RGS7: variants seen among roughly 807,000 people sequenced by gnomAD.
The protein encoded by RGS7 is regulator of G protein signaling 7, also known as regulator of G-protein signaling 7.
RGS7 carries 27 observed loss-of-function variants against 81.1 expected under a neutral mutation model. The observed-to-expected ratio is 0.33, with a 90% CI of 0.25 to 0.46. RGS7 has a LOEUF of 0.46. Ranked by LOEUF, RGS7 falls within the 20% of genes least tolerant of loss-of-function variation. The pLI, the probability that RGS7 is intolerant of heterozygous loss-of-function variation, is 1.00. For synonymous variants in RGS7, 208 were observed against 207.7 expected (o/e 1.00, Z -0.01); for missense variants, 396 against 607.4 (o/e 0.65, Z 3.66).
chr1:241,308,773 A>G (rs559103830), intron 2 of RGS7, among the ~76,000 whole-genome samples: 78 of 152,296 alleles, frequency 5.1e-4, no homozygotes, highest in African/African-American at 1.4e-3. Context: ...TATACACAGA[A>G]AAGACACTTG....
At chr1:240,860,559 A>G (rs533252129) in intron 9 of RGS7, among the ~76,000 whole-genome samples, 1 of 152,240 alleles carries the variant, frequency 6.6e-6, no homozygotes, top group East Asian at 1.9e-4. Context: ...ATTTAACTTC[A>G]TATTTTAATG....
intron 2 of RGS7, among the ~76,000 whole-genome samples, chr1:241,307,225 C>T (rs940690426): frequency 9.9e-5 from 15 of 152,060 alleles, no homozygotes; most frequent in South Asian, 4.2e-4. Context: ...TATGAGTGGG[C>T]CCTGAAAATG....
intron 2 of RGS7, among the ~76,000 whole-genome samples, chr1:241,272,087 G>A (rs1287938288): frequency 1.3e-5 from 2 of 151,710 alleles, no homozygotes; most frequent in East Asian, 1.9e-4. Context: ...TCCGCCTCCC[G>A]GGTTCACGCC....
chr1:241,333,668 G>T (rs1018746513), intron 2 of RGS7, among the ~76,000 whole-genome samples: 1 of 152,118 alleles, frequency 6.6e-6, no homozygotes, highest in African/African-American at 2.4e-5. Context: ...GTCATGGTTT[G>T]ACTGAAATCT....
chr1:241,012,829 A>G (rs2059024595), intron 3 of RGS7, among the ~76,000 whole-genome samples: 1 of 152,160 alleles, frequency 6.6e-6, no homozygotes, highest in South Asian at 2.1e-4. Context: ...TGGGACTTTT[A>G]AAGGTCTAGC....
chr1:241,125,151 G>A (rs1363664663), intron 2 of RGS7, among the ~76,000 whole-genome samples: 1 of 152,086 alleles, frequency 6.6e-6, no homozygotes, highest in African/African-American at 2.4e-5. Flanking sequence ...TAAGCCAACT[G>A]GAGATTTGTG....
chr1:241,089,090 T>G (rs1040310489), intron 3 of RGS7, among the ~76,000 whole-genome samples: 1 of 117,906 alleles, frequency 8.5e-6, no homozygotes, highest in Non-Finnish European at 1.7e-5. Flanking sequence ...TATATATATA[T>G]ATATATACTG....
chr1:241,152,140 C>CAAAAAAAAAAAAAAAAAAAA, intron 2 of RGS7, among the ~76,000 whole-genome samples: 1 of 108,500 alleles, frequency 9.2e-6, no homozygotes, highest in East Asian at 2.4e-4. Flanking sequence ...CATTAGCAGC[C>CAAAAAAAAAAAAAAAAAAAA]AAAAAAAAAA....
Position 240,868,083 on chromosome 1 carries a change from A to AAAAGAAGAG in RGS7, c.609+503_609+504insCTCTTCTTT. Among the ~76,000 whole-genome samples the AAAAGAAGAG allele has an allele frequency of 3.3e-5, 5 of 150,116 alleles. No homozygotes were observed. The highest frequency in any genetic ancestry group is 1.0e-4 in the African/African-American group (4 of 40,152). ...AGAAAAGAAGAGAAAAGAAAGAAAGAAAAAGAAAGAAAAGAAAAAGAAAGA... is the reference window on the plus strand; with the variant it reads ...AGAAAAGAAGAGAAAAGAAAGAAAGAAAAGAAGAGAAAAGAAAGAAAAGAAAAAGAAAGA... On this transcript the variant is annotated intron_variant, in intron 9 of 18. Transcript: ENST00000440928. The surrounding 1 kb of genome is among the most constrained non-coding windows in gnomAD (Gnocchi z 5.1).
intron 2 of RGS7, among the ~76,000 whole-genome samples, chr1:241,155,015 C>T (rs2069013953): frequency 6.6e-6 from 1 of 152,124 alleles, no homozygotes; most frequent in African/African-American, 2.4e-5. Context: ...TCACTATTCT[C>T]AAGATAAACT....
intron 2 of RGS7, among the ~76,000 whole-genome samples, chr1:241,266,663 G>A (rs1484845311): frequency 3.3e-5 from 5 of 152,128 alleles, no homozygotes; most frequent in East Asian, 3.9e-4. Context: ...GAGGTCTTCC[G>A]TAGTCTTCCA....
intron 2 of RGS7, among the ~76,000 whole-genome samples, chr1:241,259,667 A>AAATATATATATATAT: frequency 8.1e-5 from 4 of 49,142 alleles, no homozygotes; most frequent in African/African-American, 3.2e-4. Flanking sequence ...AAAAAAAAAA[A>AAATATATATATATAT]ATATATATAT....
At chr1:240,999,757 C>T (rs187892134) in intron 3 of RGS7, among the ~76,000 whole-genome samples, 23 of 131,204 alleles carry the variant, frequency 1.8e-4, no homozygotes, top group Admixed American at 1.4e-3. Flanking sequence ...TGTGCCACCA[C>T]GCTCGGCTAA....
At chr1:240,819,778 A>G (rs148416450) in intron 10 of RGS7, among the ~76,000 whole-genome samples, 26 of 152,266 alleles carry the variant, frequency 1.7e-4, no homozygotes, top group African/African-American at 5.3e-4. Flanking sequence ...CCCATAAGAG[A>G]CCATGACCCA....
rs6662776 is a variant in RGS7, at chr1:241,279,728, C to T, written c.78+75971G>A. The stretch of plus-strand genomic sequence containing the variant: ...TCACCTTCCTCTACTTCATCCCCTA[C>T]ATCAGTCCTAAAAACCACTAATCTG... On this transcript the variant is annotated intron_variant, in intron 2 of 18. Coordinates refer to ENST00000440928, the MANE Select transcript of RGS7 (RefSeq NM_001364886.1). Among the ~76,000 whole-genome samples the T allele has an allele frequency of 4.7e-3, 712 of 152,346 alleles. 5 individuals carry two copies. The highest frequency in any genetic ancestry group is 0.016 in the African/African-American group (649 of 41,588).
intron 14 of RGS7, among the ~76,000 whole-genome samples, chr1:240,808,507 T>C (rs1171292246): frequency 6.6e-6 from 1 of 152,220 alleles, no homozygotes; most frequent in African/African-American, 2.4e-5. Context: ...CAAGTTCTAT[T>C]ATTTCCCTCA....
At chr1:241,136,084 AT>A (rs1373944649) in intron 2 of RGS7, among the ~76,000 whole-genome samples, 1 of 152,252 alleles carries the variant, frequency 6.6e-6, no homozygotes, top group Non-Finnish European at 1.5e-5. Flanking sequence ...TTAAGAGGAA[AT>A]AAAATGTATC....
chr1:241,232,000 G>C (rs1412396773), intron 2 of RGS7, among the ~76,000 whole-genome samples: 1 of 152,130 alleles, frequency 6.6e-6, no homozygotes, highest in Non-Finnish European at 1.5e-5. Context: ...GTAATTTTAT[G>C]TATAGTGTAA....
chr1:241,079,481 G>A (rs2063015060), intron 3 of RGS7, among the ~76,000 whole-genome samples: 2 of 152,068 alleles, frequency 1.3e-5, no homozygotes, highest in Admixed American at 1.3e-4. Context: ...GAAAATGCAA[G>A]AAAAGGAATG....
Sources: allele counts gnomAD v4.1 joint callset (sites outside exome capture counted in the v4.1 genomes callset), GRCh38; gene constraint gnomAD v4.1.1; non-coding constraint Gnocchi (gnomAD v3.1); transcripts MANE v1.5; gene names NCBI Gene and HGNC (gene_info 2026-07-23, HGNC 2026-07-21).